TMPRSS9: variants seen among roughly 807,000 people sequenced by gnomAD.
The protein encoded by TMPRSS9 is transmembrane serine protease 9, also known as transmembrane protease serine 9.
Under a neutral mutation model 111.4 loss-of-function variants are expected in TMPRSS9, and 113 were observed. The ratio of observed to expected loss-of-function variants is 1.01; its 90% confidence interval spans 0.87 to 1.19. The LOEUF is 1.19. TMPRSS9 is among the 50% of genes most tolerant of loss of function. TMPRSS9 has a pLI of 0.00. For missense variants in TMPRSS9, 1,803 were observed against 1,513.1 expected (o/e 1.19, Z -3.18); for synonymous variants, 805 against 659.1 (o/e 1.22, Z -3.39).
At position 2,425,701 on chromosome 19, in the gene TMPRSS9, G is replaced by A. The variant is rs1283345778; in HGVS notation, c.3120+208G>A. 6 of 1,213,452 alleles carry A rather than the reference G, an allele frequency of 4.9e-6. No homozygotes were observed. The Admixed American group carries it at 2.0e-4, about 40-fold the overall frequency. 75.2% of individuals were successfully genotyped at this position (1,213,452 alleles called of 1,614,324 possible). On this transcript the variant is annotated intron_variant, in intron 17 of 17. Coordinates refer to ENST00000648592, the Ensembl canonical transcript of TMPRSS9. ...CACCGCATCCCATCCCCGGGCCTCG[G>A]CGGCAGAGCAGGCAGAGGCTGCAGT...
intron 1 of TMPRSS9, among the ~76,000 whole-genome samples, chr19:2,390,437 G>A (rs1970565530): frequency 6.7e-6 from 1 of 149,186 alleles, no homozygotes. Flanking sequence ...TAGAGACGGG[G>A]TTTCACCGTG....
chr19:2,414,939 C>CTTTTTTTTTT (rs1474701467), intron 10 of TMPRSS9, among the ~76,000 whole-genome samples: 1 of 141,456 alleles, frequency 7.1e-6, no homozygotes. Context: ...AGTTGCATTC[C>CTTTTTTTTTT]TATTTTTTTT....
At chr19:2,369,028 T>G (rs561876376) in intron 1 of TMPRSS9, among the ~76,000 whole-genome samples, 19 of 149,996 alleles carry the variant, frequency 1.3e-4, no homozygotes, top group Admixed American at 1.2e-3. Flanking sequence ...CTCGGCTCAC[T>G]GTAACCTCCA....
At chr19:2,418,592 C>G in intron 13 of TMPRSS9, among the ~76,000 whole-genome samples, 1 of 10,330 alleles carries the variant, frequency 9.7e-5, no homozygotes, top group Non-Finnish European at 2.8e-4. Context: ...CATTCCTTCC[C>G]TCCCTCCCTT....
At chr19:2,360,750 C>T (rs993797576) in intron 1 of TMPRSS9, among the ~76,000 whole-genome samples, 65 of 149,990 alleles carry the variant, frequency 4.3e-4, no homozygotes, top group Admixed American at 3.6e-3. Context: ...CGTGTGGATG[C>T]GGCCGGGGTT....
At chr19:2,408,711 T>TCA in intron 8 of TMPRSS9, 81 bp downstream of exon 9, 1 of 1,523,310 alleles carries the variant, frequency 6.6e-7, no homozygotes, top group Non-Finnish European at 8.8e-7. Flanking sequence ...GTGAGGTGGC[T>TCA]CACGCCTGTC....
At chr19:2,405,226 A>T (rs1232953905) in intron 6 of TMPRSS9, 148 bp from the exon 8 acceptor site, 4 of 963,082 alleles carry the variant, frequency 4.2e-6, no homozygotes, top group Non-Finnish European at 5.9e-6. Flanking sequence ...GGGAGACCCC[A>T]GAAGAGTCAG....
chr19:2,415,576 C>T, intron 10 of TMPRSS9, 94 bp from the exon 12 acceptor site: 1 of 1,220,052 alleles, frequency 8.2e-7, no homozygotes, highest in Non-Finnish European at 1.1e-6. Flanking sequence ...ATCTTCAGGG[C>T]CTGGCTGCAA....
At chr19:2,404,160 A>C (rs1970918448) in intron 6 of TMPRSS9, among the ~76,000 whole-genome samples, 1 of 152,074 alleles carries the variant, frequency 6.6e-6, no homozygotes, top group Non-Finnish European at 1.5e-5. Flanking sequence ...ATAGAGTGAG[A>C]CCTTGTCTCA....
chr19:2,426,047 G>GCAGCTGT lies in TMPRSS9; in HGVS notation c.3242_3248dup (p.Arg1084SerfsTer17), dbSNP rs1325537795. 2 of 1,609,432 alleles carry GCAGCTGT rather than the reference G, an allele frequency of 1.2e-6. No individual in the cohort carries two copies. Among genetic ancestry groups the GCAGCTGT allele is most frequent in the South Asian group, 2.2e-5 (2 of 90,614 alleles). ...CTTCCCAGGTGTCTATACCCGGGTG[G>GCAGCTGT]CAGCTGTGAGAGGCTGGATAGGACA... On this transcript the variant is annotated frameshift_variant, in exon 18 of 18. Transcript: ENST00000648592. LOFTEE classifies it high-confidence loss of function.
intron 1 of TMPRSS9, among the ~76,000 whole-genome samples, chr19:2,368,472 T>G (rs1409622005): frequency 1.3e-5 from 2 of 152,072 alleles, no homozygotes; most frequent in African/African-American, 4.8e-5. Flanking sequence ...CCAGTGAAGC[T>G]GGGGCTGAAG....
At chr19:2,361,300 TGCAGG>T (rs1361691707) in intron 1 of TMPRSS9, among the ~76,000 whole-genome samples, 1 of 89,040 alleles carries the variant, frequency 1.1e-5, no homozygotes, top group Non-Finnish European at 2.2e-5. Flanking sequence ...GTTGGTGGGG[TGCAGG>T]GCTGGGATGG....
chr19:2,380,940 G>A (rs183087042), intron 1 of TMPRSS9, among the ~76,000 whole-genome samples: 9 of 152,060 alleles, frequency 5.9e-5, no homozygotes, highest in African/African-American at 9.6e-5. Context: ...TTATCCTTCC[G>A]AACTTGAATA....
intron 13 of TMPRSS9, among the ~76,000 whole-genome samples, chr19:2,419,661 C>T (rs1311475448): frequency 6.6e-6 from 1 of 151,980 alleles, no homozygotes; most frequent in African/African-American, 2.4e-5. Context: ...GGACTACAGG[C>T]ATGTGCCTCC....
At chr19:2,382,448 A>G (rs1230024635) in intron 1 of TMPRSS9, among the ~76,000 whole-genome samples, 6 of 152,186 alleles carry the variant, frequency 3.9e-5, no homozygotes, top group African/African-American at 1.4e-4. Flanking sequence ...TTTTTTTAGT[A>G]GGAGTCGGAG....
At position 2,375,748 on chromosome 19, in the gene TMPRSS9, G is replaced by T. The variant is rs369328106; in HGVS notation, c.-25-14013G>T. On this transcript the variant is annotated intron_variant, in intron 1 of 17. Transcript: ENST00000649857. ...TCGACCACCCCACCAGGACAGCAGG[G>T]ATGAGGTGGACCTTCATTGAAGAAA... Among the ~76,000 whole-genome samples, 30 of 152,320 alleles carry T rather than the reference G, an allele frequency of 2.0e-4. No homozygotes were observed. The South Asian group carries it at 6.2e-3, about 32-fold the overall frequency.
chr19:2,416,149 G>A, intron 11 of TMPRSS9: 1 of 424,240 alleles, frequency 2.4e-6, no homozygotes, highest in South Asian at 4.8e-5. Flanking sequence ...TGAGGCAGGA[G>A]AATTGCTTGA....
At position 2,418,181 on chromosome 19, in the gene TMPRSS9, T is replaced by C. The variant is rs574098372; in HGVS notation, c.2154+43T>C. 6.2e-6 allele frequency: 10 copies of C among 1,605,076 alleles called. No homozygotes were observed. The South Asian group carries it at 1.1e-4, about 18-fold the overall frequency. ...GAAAGCGGGCAATATTTCCATGAAA[T>C]GCCCACAGCCGTTCACCCAGCAGTT... On this transcript the variant is annotated intron_variant, in intron 13 of 17. Coordinates refer to ENST00000648592, the Ensembl canonical transcript of TMPRSS9.
intron 1 of TMPRSS9, among the ~76,000 whole-genome samples, chr19:2,362,740 G>A (rs1352163725): frequency 6.6e-6 from 1 of 152,106 alleles, no homozygotes; most frequent in African/African-American, 2.4e-5. Flanking sequence ...TAACGTGGTT[G>A]TGTGTGTACT....
Sources: allele counts gnomAD v4.1 joint callset (sites outside exome capture counted in the v4.1 genomes callset), GRCh38; gene constraint gnomAD v4.1.1; transcripts MANE v1.5; gene names NCBI Gene and HGNC (gene_info 2026-07-23, HGNC 2026-07-21).